The following MCM4 variants were observed in gnomAD, a reference collection of about 807,000 sequenced individuals.
MCM4 encodes minichromosome maintenance complex component 4, also known as DNA replication licensing factor MCM4.
A neutral mutation model predicts 88.7 loss-of-function variants in MCM4; 60 were observed. The observed-to-expected ratio is 0.68, with a 90% confidence interval of 0.55 to 0.84. The LOEUF (loss-of-function observed/expected upper bound fraction) is 0.84, where lower values mean the gene tolerates loss of function less well. MCM4 is among the 40% of genes least tolerant of loss of function. The pLI is 0.00. For synonymous variants in MCM4, 465 were observed against 410.5 expected (o/e 1.13, Z -1.61); for missense variants, 1,149 against 1,105.5 (o/e 1.04, Z -0.56).
intron 14 of MCM4, 66 bp downstream of exon 14, chr8:47,973,130 T>C (rs931419492): frequency 1.5e-5 from 20 of 1,293,388 alleles, no homozygotes; most frequent in Non-Finnish European, 2.2e-5. Context: ...TGACCAATCA[T>C]CTCCTTTAAA....
rs373846910 is a variant in MCM4 at position 47,964,764 on chromosome 8, A to C, written c.832+52A>C. 8 of 1,435,892 alleles carry C rather than the reference A, an allele frequency of 5.6e-6. No homozygotes were observed. In the African/African-American group the frequency reaches 1.1e-4, roughly 21 times the overall value. The allele number at this position is 1,435,892 out of a possible 1,614,324, so 88.9% of individuals were successfully genotyped here. A position where few individuals can be genotyped will look rare whatever the true frequency, so the allele number is the denominator to read the frequency against. On this transcript the variant is annotated intron_variant, in intron 8 of 16. Coordinates refer to ENST00000649973, the MANE Select transcript of MCM4 (RefSeq NM_182746.3). ...TTGTTGAAGGAAAATGCCTTACATG[A>C]AAATAGCCTTGTTTTCATTGAGAAA...
chr8:47,970,103 G>A (rs769806571), intron 11 of MCM4, 46 bp downstream of exon 11: 4 of 1,593,736 alleles, frequency 2.5e-6, no homozygotes, highest in Non-Finnish European at 3.4e-6. Context: ...CAATTCTTTG[G>A]GATCAAATAG....
At chr8:47,966,703 A>T (rs1325031253) in intron 9 of MCM4, among the ~76,000 whole-genome samples, 2 of 152,226 alleles carry the variant, frequency 1.3e-5, no homozygotes, top group African/African-American at 4.8e-5. Context: ...GTTAAATGTC[A>T]TTCTGCTTTT....
At position 47,962,336 on chromosome 8, in the gene MCM4, A is replaced by G. The variant is rs745636910; in HGVS notation, c.431A>G (p.Gln144Arg). ...AAAEDIVASEQSLGQKLVIWG... is the reference protein window; with the variant it reads ...AAAEDIVASERSLGQKLVIWG... ...GCAGAAGATATAGTGGCAAGTGAGC[A>G]GTCTCTAGGCCAAAAACTTGTGATC... Residue 144 changes from glutamine (Q) to arginine (R), a missense_variant, in exon 5 of 17, where the codon CAG (glutamine) becomes CGG (arginine). Gln to Arg is a conservative substitution (Grantham distance 43). Transcript: ENST00000649973. 14 of 1,614,132 alleles carry G rather than the reference A, an allele frequency of 8.7e-6. No homozygotes were observed. In the East Asian group the frequency reaches 2.9e-4, roughly 33 times the overall value.
chr8:47,973,211 C>T (rs2090971549), intron 14 of MCM4, 147 bp downstream of exon 14: 6 of 798,980 alleles, frequency 7.5e-6, no homozygotes, highest in Admixed American at 5.1e-5. Context: ...GGCTCTCTTG[C>T]CCAGGCTGGA....
At chr8:47,965,834 C>T (rs1017138968) in intron 8 of MCM4, among the ~76,000 whole-genome samples, 1 of 152,146 alleles carries the variant, frequency 6.6e-6, no homozygotes, top group African/African-American at 2.4e-5. Flanking sequence ...CTATAGGGGA[C>T]ACAAAATGTA....
Position 47,967,347 on chromosome 8 carries a change from CTG to C in MCM4, c.1054-16_1054-15del. ...CCTCTCTTTGTGGCCCACATGTTCT[CTG>C]TTTGCTGACCTTCAGATCAAGCTTC... On this transcript the variant is annotated splice_polypyrimidine_tract_variant and intron_variant, in intron 9 of 16. Transcript: ENST00000649973. 3.1e-6 allele frequency: 5 copies of C among 1,613,986 alleles called. No individual in the cohort carries two copies. Among genetic ancestry groups the C allele is most frequent in the Non-Finnish European group, 4.2e-6 (5 of 1,179,912 alleles).
At chr8:47,965,411 A>G (rs1240236285) in intron 8 of MCM4, among the ~76,000 whole-genome samples, 3 of 152,284 alleles carry the variant, frequency 2.0e-5, no homozygotes, top group African/African-American at 7.2e-5. Flanking sequence ...TTGAGGCTTC[A>G]GTGAGCAGTG....
Position 47,974,766 on chromosome 8 carries a change from C to G in MCM4, c.2169C>G (p.Ser723Arg), listed in dbSNP as rs1388380713. 1.9e-6 allele frequency: 3 copies of G among 1,614,034 alleles called. No individual in the cohort carries two copies. In the African/African-American group the frequency reaches 4.0e-5, roughly 22 times the overall value. Reference protein sequence around the residue: ...AYVDMRKIGSSRGMVSAYPRQ... With the variant: ...AYVDMRKIGSRRGMVSAYPRQ... ...TAGACATGAGGAAGATTGGCAGTAGCCGGGGAATGGTTTCTGCATACCCTC... is the reference window on the plus strand; with the variant it reads ...TAGACATGAGGAAGATTGGCAGTAGGCGGGGAATGGTTTCTGCATACCCTC... Residue 723 changes from serine (S) to arginine (R), a missense_variant, in exon 15 of 17, where the codon AGC becomes AGG. By Grantham distance (110) the Ser-to-Arg change is moderately radical. Transcript: ENST00000649973.
chr8:47,963,110 A>G (rs2090862410), intron 7 of MCM4, 70 bp downstream of exon 7: 1 of 917,222 alleles, frequency 1.1e-6, no homozygotes. Context: ...GATAACAGAA[A>G]TTCTTCAGTA....
At chr8:47,963,219 G>A (rs923026793) in intron 7 of MCM4, among the ~76,000 whole-genome samples, 179 bp downstream of exon 7, 13 of 152,124 alleles carry the variant, frequency 8.5e-5, no homozygotes, top group Non-Finnish European at 1.6e-4. Context: ...TTAGGACGCC[G>A]AGGCAAATGG....
intron 5 of MCM4, 63 bp downstream of exon 5, chr8:47,962,469 A>G (rs1216095015): frequency 4.6e-6 from 7 of 1,510,868 alleles, no homozygotes; most frequent in Middle Eastern, 1.7e-4. Context: ...CCGTGTTTAT[A>G]ATCTATATCT....
At chr8:47,975,182 G>GTT (rs369844104) in intron 15 of MCM4, 592 of 343,472 alleles carry the variant, frequency 1.7e-3, no homozygotes, top group South Asian at 2.5e-3. Flanking sequence ...GTTTTTTTTT[G>GTT]TTTTTTTTTT....
chr8:47,961,304 G>T, intron 2 of MCM4, 90 bp downstream of exon 2: 1 of 1,429,520 alleles, frequency 7.0e-7, no homozygotes, highest in East Asian at 2.7e-5. Flanking sequence ...GGGTGCGCGG[G>T]ACCCGGGCGC....
chr8:47,961,187 C>G lies in MCM4; in HGVS notation c.43C>G (p.Arg15Gly). The change falls in exon 2 of 17, where the codon CGT (arginine) becomes GGT (glycine). Residue 15 changes from arginine to glycine, a missense_variant. By Grantham distance (125) the Arg-to-Gly change is moderately radical. Coordinates refer to ENST00000649973, the MANE Select transcript of MCM4 (RefSeq NM_182746.3). ...ASTPSRRGSR[R>G]GRATPAQTPR... Reference sequence around the variant, plus strand: ...GACCCCGAGCCGCCGCGGCAGCCGGCGTGGAAGGGCCACCCCCGCCCAGAC... The same window carrying G: ...GACCCCGAGCCGCCGCGGCAGCCGGGGTGGAAGGGCCACCCCCGCCCAGAC... 1 of 1,544,228 alleles carries G rather than the reference C, an allele frequency of 6.5e-7. No homozygotes were observed. Among genetic ancestry groups the G allele is most frequent in the Non-Finnish European group, 8.7e-7 (1 of 1,154,918 alleles).
chr8:47,976,681 C>T lies in MCM4; in HGVS notation c.2500-5C>T, dbSNP rs768173553. ...CAATATTTATTTTCTTTCTCTTCCCCACAGGCAATTACTAAAGATATGTTT... is the reference window on the plus strand; with the variant it reads ...CAATATTTATTTTCTTTCTCTTCCCTACAGGCAATTACTAAAGATATGTTT... On this transcript the variant is annotated splice_polypyrimidine_tract_variant and splice_region_variant and intron_variant, in intron 16 of 16. Coordinates refer to ENST00000649973, the MANE Select transcript of MCM4 (RefSeq NM_182746.3). 5.6e-6 allele frequency: 9 copies of T among 1,607,660 alleles called. No homozygotes were observed. The highest frequency in any genetic ancestry group is 7.7e-6 in the Non-Finnish European group (9 of 1,174,688).
Position 47,962,286 on chromosome 8 carries a change from G to A in MCM4, c.400-19G>A, listed in dbSNP as rs186030287. The A allele has an allele frequency of 1.1e-5, 18 of 1,614,134 alleles. No homozygotes were observed. In the Admixed American group the frequency reaches 2.8e-4, roughly 25 times the overall value. ...TGGGTAACTCTGTTTTCATGATTCT[G>A]TCATGTTTTTCTGTGTAGGCAGCAG... On this transcript the variant is annotated intron_variant, in intron 4 of 16. Transcript: ENST00000649973.
intron 15 of MCM4, 105 bp downstream of exon 15, chr8:47,975,067 T>G (rs2090989825): frequency 1.1e-6 from 1 of 940,246 alleles, no homozygotes. Context: ...GAAACAGAAG[T>G]TCTTAACCTT....
chr8:47,964,066 A>G (rs1182785146), intron 7 of MCM4, among the ~76,000 whole-genome samples: 1 of 152,144 alleles, frequency 6.6e-6, no homozygotes, highest in Non-Finnish European at 1.5e-5. Context: ...TCTATTAAAA[A>G]TACAAAATTA....
Sources: gnomAD v4.1 joint callset for allele counts (sites outside exome capture counted in the v4.1 genomes callset) on GRCh38, gnomAD v4.1.1 for gene constraint, MANE v1.5 for transcripts, NCBI Gene and HGNC (gene_info 2026-07-23, HGNC 2026-07-21) for gene names.